SPOCK1: variants seen among roughly 807,000 people sequenced by gnomAD.
SPOCK1 encodes the protein testican-1.
SPOCK1 carries 23 observed loss-of-function variants against 55.3 expected under a neutral mutation model. The observed-to-expected ratio is 0.42, with a 90% CI of 0.30 to 0.59. The LOEUF (loss-of-function observed/expected upper bound fraction) is 0.59, where lower values mean the gene tolerates loss of function less well. Among genes scored for constraint, SPOCK1 ranks in the 20% least tolerant of loss-of-function variants. The pLI is 0.22. For missense variants in SPOCK1, 499 were observed against 552.5 expected, an observed-to-expected ratio of 0.90 and a Z score of 0.97; for synonymous variants, 226 against 221.0, an observed-to-expected ratio of 1.02 and a Z score of -0.20.
At chr5:137,329,268 A>G (rs900427165) in intron 2 of SPOCK1, among the ~76,000 whole-genome samples, 1 of 151,946 alleles carries the variant, frequency 6.6e-6, no homozygotes, top group Non-Finnish European at 1.5e-5. Flanking sequence ...AGCCTACCAA[A>G]TCTTAGACTG....
At chr5:137,211,872 C>T (rs2127082218) in intron 3 of SPOCK1, among the ~76,000 whole-genome samples, 1 of 152,268 alleles carries the variant, frequency 6.6e-6, no homozygotes, top group Admixed American at 6.5e-5. Context: ...GAAGCCCCGC[C>T]CCCTGCCACA....
intron 2 of SPOCK1, among the ~76,000 whole-genome samples, chr5:137,340,030 G>T (rs1003729154): frequency 2.0e-5 from 3 of 152,018 alleles, no homozygotes; most frequent in African/African-American, 7.3e-5. Flanking sequence ...ATTTACAAGG[G>T]CCATGTTCTC....
chr5:137,213,174 A>G (rs1755649957), intron 3 of SPOCK1, among the ~76,000 whole-genome samples: 1 of 152,176 alleles, frequency 6.6e-6, no homozygotes, highest in South Asian at 2.1e-4. Context: ...CATCCACCCC[A>G]GCACCACTGT....
At chr5:137,290,972 C>A (rs1022562891) in intron 2 of SPOCK1, among the ~76,000 whole-genome samples, 9 of 152,158 alleles carry the variant, frequency 5.9e-5, no homozygotes, top group African/African-American at 2.2e-4. Flanking sequence ...TTGATGTAAT[C>A]CTCATTACTC....
chr5:137,134,297 TCC>T (rs1452219933), intron 4 of SPOCK1, among the ~76,000 whole-genome samples: 1 of 152,232 alleles, frequency 6.6e-6, no homozygotes, highest in Non-Finnish European at 1.5e-5. Context: ...CCAGCCACTT[TCC>T]TTCTCATCTT....
At chr5:137,326,487 C>T (rs1255066157) in intron 2 of SPOCK1, among the ~76,000 whole-genome samples, 1 of 152,208 alleles carries the variant, frequency 6.6e-6, no homozygotes, top group Admixed American at 6.5e-5. Context: ...CTGAGAGGAG[C>T]TGGTTGCCCT....
At chr5:137,445,852 G>C (rs989000233) in intron 2 of SPOCK1, among the ~76,000 whole-genome samples, 1 of 152,102 alleles carries the variant, frequency 6.6e-6, no homozygotes, top group African/African-American at 2.4e-5. Context: ...CAAGCTAATA[G>C]ATATATTATG....
intron 2 of SPOCK1, among the ~76,000 whole-genome samples, chr5:137,410,448 T>C (rs1291036466): frequency 6.6e-6 from 1 of 152,220 alleles, no homozygotes; most frequent in Non-Finnish European, 1.5e-5. Context: ...ATGAGCAGGC[T>C]GGCTGCAGGA....
At chr5:137,315,395 G>C (rs1033888461) in intron 2 of SPOCK1, among the ~76,000 whole-genome samples, 4 of 152,180 alleles carry the variant, frequency 2.6e-5, no homozygotes, top group African/African-American at 9.7e-5. Flanking sequence ...TACAGGTTCA[G>C]CAAACTTTTG....
intron 4 of SPOCK1, among the ~76,000 whole-genome samples, chr5:137,117,378 A>G (rs973181495): frequency 6.6e-6 from 1 of 152,224 alleles, no homozygotes; most frequent in Non-Finnish European, 1.5e-5. Context: ...TAACCATGAC[A>G]TTGTTTATTC....
intron 5 of SPOCK1, among the ~76,000 whole-genome samples, chr5:137,077,113 A>G (rs1412849822): frequency 6.6e-6 from 1 of 152,066 alleles, no homozygotes; most frequent in Non-Finnish European, 1.5e-5. Context: ...TTTAGTAGAG[A>G]CGGGGTTTCA....
At chr5:137,219,412 G>A (rs974171947) in intron 3 of SPOCK1, among the ~76,000 whole-genome samples, 2 of 152,106 alleles carry the variant, frequency 1.3e-5, no homozygotes, top group African/African-American at 2.4e-5. Flanking sequence ...AGACATCTCC[G>A]CTGCTAGAAT....
At chr5:137,211,591 T>C (rs779860068) in intron 3 of SPOCK1, among the ~76,000 whole-genome samples, 13 of 152,142 alleles carry the variant, frequency 8.5e-5, no homozygotes, top group Non-Finnish European at 1.8e-4. Context: ...GCTAATGAGT[T>C]GACTGGCAGT....
intron 2 of SPOCK1, among the ~76,000 whole-genome samples, chr5:137,387,341 A>G (rs951544559): frequency 2.6e-5 from 4 of 152,384 alleles, no homozygotes; most frequent in East Asian, 3.9e-4. Flanking sequence ...CACAAAAACC[A>G]GCACATGGAT....
At chr5:137,115,585 A>G (rs1753562116) in intron 4 of SPOCK1, among the ~76,000 whole-genome samples, 1 of 152,156 alleles carries the variant, frequency 6.6e-6, no homozygotes. Context: ...CTCAGGTAAA[A>G]TCACCTTTGA....
intron 10 of SPOCK1, 88 bp downstream of exon 10, chr5:136,979,244 T>C: frequency 6.4e-7 from 1 of 1,563,702 alleles, no homozygotes; most frequent in Non-Finnish European, 8.7e-7. Context: ...GAGTTACCTC[T>C]CAACATTCTT....
rs181164528 is a variant in SPOCK1, at chr5:137,042,262, A to G, written c.589+25453T>C. Among the ~76,000 whole-genome samples the G allele has an allele frequency of 1.3e-3, 200 of 152,364 alleles. 2 individuals are homozygous for G. Among genetic ancestry groups the G allele is most frequent in the African/African-American group, 4.5e-3 (189 of 41,588 alleles). Reference sequence around the variant, plus strand: ...CATTCTGGAAAAGGCAAAACTGTAGAGCAGGTAAACAGATCAGTGGTTCCC... The same window carrying G: ...CATTCTGGAAAAGGCAAAACTGTAGGGCAGGTAAACAGATCAGTGGTTCCC... On this transcript the variant is annotated intron_variant, in intron 6 of 10. Coordinates refer to ENST00000394945, the MANE Select transcript of SPOCK1 (RefSeq NM_004598.4).
chr5:137,421,552 T>C (rs1032359321), intron 2 of SPOCK1, among the ~76,000 whole-genome samples: 17 of 152,236 alleles, frequency 1.1e-4, no homozygotes, highest in African/African-American at 4.1e-4. Flanking sequence ...GATTATGTAA[T>C]GGCCTTCTTT....
chr5:137,081,607 G>A lies in SPOCK1; in HGVS notation c.475-13778C>T, dbSNP rs148979515. Among the ~76,000 whole-genome samples, 174 of 152,246 alleles carry A rather than the reference G, an allele frequency of 1.1e-3. 1 individual carries two copies. The highest frequency in any genetic ancestry group is 3.7e-3 in the African/African-American group (155 of 41,540). ...AAATATCTTTCTGAATAAAGCCTGC[G>A]TATGTCCATAAGAGCCAACAGAAAC... is the stretch of plus-strand genomic sequence containing the variant. On this transcript the variant is annotated intron_variant, in intron 5 of 10. Transcript: ENST00000394945.
Sources: gnomAD v4.1 joint callset for allele counts (sites outside exome capture counted in the v4.1 genomes callset) on GRCh38, gnomAD v4.1.1 for gene constraint, MANE v1.5 for transcripts, NCBI Gene and HGNC (gene_info 2026-07-23, HGNC 2026-07-21) for gene names.